The following ARFGEF2 variants were observed in gnomAD, a reference collection of about 807,000 sequenced individuals.
ARFGEF2 encodes ARF guanine nucleotide exchange factor 2.
In ARFGEF2, 74 loss-of-function variants were observed where a neutral mutation model predicts 219.9. The ratio of observed to expected loss-of-function variants is 0.34; its 90% CI spans 0.28 to 0.41. The LOEUF is 0.41. Among genes scored for constraint, ARFGEF2 ranks in the 10% least tolerant of loss-of-function variants. ARFGEF2 has a pLI of 1.00. For missense variants in ARFGEF2, 1,743 were observed against 2,218.3 expected, an observed-to-expected ratio of 0.79 and a Z score of 4.30; for synonymous variants, 733 against 799.2, an observed-to-expected ratio of 0.92 and a Z score of 1.40.
chr20:49,019,489 AACAG>A (rs2091551831), intron 34 of ARFGEF2, among the ~76,000 whole-genome samples: 1 of 152,220 alleles, frequency 6.6e-6, no homozygotes, highest in Admixed American at 6.5e-5. Flanking sequence ...AGTTGCTCTT[AACAG>A]ACATTTATAT....
At chr20:49,014,795 A>G (rs2091520530) in intron 30 of ARFGEF2, among the ~76,000 whole-genome samples, 1 of 152,224 alleles carries the variant, frequency 6.6e-6, no homozygotes, top group Non-Finnish European at 1.5e-5. Context: ...AGGTCATAGT[A>G]TAGATAGAGT....
chr20:48,985,517 G>A lies in ARFGEF2; in HGVS notation c.2180G>A (p.Arg727Gln), dbSNP rs1191428579. 5 of 1,614,032 alleles carry A rather than the reference G, an allele frequency of 3.1e-6. No homozygotes were observed. Among genetic ancestry groups the A allele is most frequent in the African/African-American group, 1.3e-5 (1 of 74,906 alleles). ...GAAAAAGAATTTGTCTCAGCCCTGC[G>A]GACATTCCTAGAAGGTTTCCGCCTA... Reference protein sequence around the residue: ...FCEKEFVSALRTFLEGFRLPG... With the variant: ...FCEKEFVSALQTFLEGFRLPG... The change falls in exon 16 of 39, where the codon CGG becomes CAG. Residue 727 changes from arginine to glutamine, a missense_variant. By Grantham distance (43) the Arg-to-Gln change is conservative. Coordinates refer to ENST00000371917, the MANE Select transcript of ARFGEF2 (RefSeq NM_006420.3).
intron 25 of ARFGEF2, chr20:48,999,199 C>G (rs1289192067): frequency 2.3e-6 from 1 of 435,564 alleles, no homozygotes; most frequent in South Asian, 1.7e-5. Flanking sequence ...GATCGCACCA[C>G]TGCACCCCAG....
At chr20:49,032,736 C>G (rs114964040) in intron 38 of ARFGEF2, among the ~76,000 whole-genome samples, 68 of 151,998 alleles carry the variant, frequency 4.5e-4, no homozygotes, top group African/African-American at 1.4e-3. Context: ...GGACCACAGA[C>G]ACGCGCCACT....
intron 1 of ARFGEF2, among the ~76,000 whole-genome samples, chr20:48,926,343 C>T (rs973993009): frequency 1.1e-4 from 16 of 152,098 alleles, no homozygotes; most frequent in African/African-American, 3.9e-4. Context: ...CAGCTCTTTT[C>T]TTCAGGTTTT....
chr20:48,950,811 A>AATATATATATATAT (rs71184245), intron 3 of ARFGEF2, among the ~76,000 whole-genome samples: 14 of 64,506 alleles, frequency 2.2e-4, no homozygotes, highest in East Asian at 4.9e-4. Context: ...AAAAAAAAAA[A>AATATATATATATAT]ATATATATAT....
chr20:48,952,624 C>G (rs1455826920), intron 4 of ARFGEF2, 81 bp from the exon 5 acceptor site: 3 of 1,378,374 alleles, frequency 2.2e-6, no homozygotes, highest in Non-Finnish European at 2.1e-6. Flanking sequence ...CAAAACCAGA[C>G]CCTCTAGAAA....
intron 25 of ARFGEF2, among the ~76,000 whole-genome samples, chr20:49,000,225 C>T (rs2091417394): frequency 6.6e-6 from 1 of 152,186 alleles, no homozygotes; most frequent in Non-Finnish European, 1.5e-5. Context: ...AATGAAAGTT[C>T]CTTGTTTTTC....
rs767312168 is a variant in ARFGEF2 at position 48,965,943 on chromosome 20, A to G, written c.979A>G (p.Ile327Val). The G allele has an allele frequency of 4.9e-5, 79 of 1,614,108 alleles. No individual in the cohort carries two copies. In the South Asian group the frequency reaches 6.1e-4, roughly 13 times the overall value. Residue 327 changes from isoleucine to valine, a missense_variant, in exon 8 of 39, where the codon ATT becomes GTT. This residue lies in a region of ARFGEF2 where 394 missense variants were observed against 426.6 expected (regional missense o/e 0.92). Transcript: ENST00000371917. ...TGAACTGGAGTGCCAGGAATGTGCT[A>G]TTCCCCCAGGAGTTGATGAAAACTC... is the stretch of plus-strand genomic sequence containing the variant. Reference protein sequence around the residue: ...LGELECQECAIPPGVDENSQT... With the variant: ...LGELECQECAVPPGVDENSQT...
At chr20:48,987,275 A>G (rs183938569) in intron 16 of ARFGEF2, among the ~76,000 whole-genome samples, 19 of 152,330 alleles carry the variant, frequency 1.2e-4, no homozygotes, top group Non-Finnish European at 2.2e-4. Context: ...TCTCATATTA[A>G]AAGACCTTTG....
chr20:48,961,819 G>A (rs891734307), intron 6 of ARFGEF2, among the ~76,000 whole-genome samples: 76 of 150,146 alleles, frequency 5.1e-4, no homozygotes, highest in African/African-American at 1.7e-3. Context: ...AGCCAAGATC[G>A]TGTCACTGCA....
Position 49,028,773 on chromosome 20 carries a change from C to A in ARFGEF2, c.5063+105C>A. On this transcript the variant is annotated intron_variant, in intron 37 of 38. Transcript: ENST00000371917. ...TAAGAGAAAAATACATGCTGACACT[C>A]TGACAAATTTTTTTTTCTTTCTATT... The A allele has an allele frequency of 2.3e-6, 3 of 1,322,066 alleles. 1 individual carries two copies. The Admixed American group carries it at 6.2e-5, about 28-fold the overall frequency. The allele number at this position is 1,322,066 out of a possible 1,614,324, so 81.9% of individuals were successfully genotyped here. A position where few individuals can be genotyped will look rare whatever the true frequency, so the allele number is the denominator to read the frequency against.
rs1568725094 is a variant in ARFGEF2 at position 48,991,020 on chromosome 20, CTCTT to C, written c.2815-19_2815-16del. The C allele has an allele frequency of 1.9e-6, 3 of 1,612,020 alleles. No homozygotes were observed. Among genetic ancestry groups the C allele is most frequent in the Non-Finnish European group, 2.5e-6 (3 of 1,178,944 alleles). On this transcript the variant is annotated splice_polypyrimidine_tract_variant and intron_variant, in intron 20 of 38. Coordinates refer to ENST00000371917, the MANE Select transcript of ARFGEF2 (RefSeq NM_006420.3). Reference sequence around the variant, plus strand: ...ACTAAGGTTGGAGTCACAGTGTTCTCTCTTGGGTTTCTGTTACAGCTGGAACGAG... The same window carrying C: ...ACTAAGGTTGGAGTCACAGTGTTCTCGGGTTTCTGTTACAGCTGGAACGAG...
In ARFGEF2 at chr20:49,012,053, T is replaced by C. The variant is rs1291874161; in HGVS notation, c.3887T>C (p.Phe1296Ser). The C allele has an allele frequency of 6.2e-7, 1 of 1,614,180 alleles. No homozygotes were observed. The change falls in exon 28 of 39, where the codon TTC (phenylalanine) becomes TCC (serine). Residue 1296 changes from phenylalanine to serine, a missense_variant. Around this residue, in one of 5 missense-constraint regions of ARFGEF2, gnomAD observed 578 missense variants for 664.0 expected, o/e 0.87. Coordinates refer to ENST00000371917, the MANE Select transcript of ARFGEF2 (RefSeq NM_006420.3). ...TSMEAIRLIR[F>S]CGKYVSERPR... ...ATGGAAGCGATTCGGCTCATCCGCT[T>C]CTGTGGCAAATACGTCTCTGAGAGG...
rs58722268 is a variant in ARFGEF2, at chr20:48,947,298, G to T, written c.277-4025G>T. On this transcript the variant is annotated intron_variant, in intron 3 of 38. Transcript: ENST00000371917. ...GCCTATAATCCCAGCTACTTGGGAG[G>T]CTGAGGCAGGAGAATCACTTGAACC... is the stretch of plus-strand genomic sequence containing the variant. 3.3e-5 allele frequency among the ~76,000 whole-genome samples: 5 copies of T among 152,240 alleles called. No individual in the cohort carries two copies. The East Asian group carries it at 9.7e-4, about 30-fold the overall frequency.
chr20:48,955,726 A>C (rs992547867), intron 6 of ARFGEF2, among the ~76,000 whole-genome samples: 1 of 152,196 alleles, frequency 6.6e-6, no homozygotes, highest in African/African-American at 2.4e-5. Flanking sequence ...GGGAGAAGCA[A>C]ACCCCAGACC....
intron 16 of ARFGEF2, among the ~76,000 whole-genome samples, chr20:48,987,592 A>G (rs1163538821): frequency 6.6e-6 from 1 of 152,202 alleles, no homozygotes; most frequent in Admixed American, 6.5e-5. Context: ...TCTCAGGAAC[A>G]GGACAAGGTG....
intron 6 of ARFGEF2, among the ~76,000 whole-genome samples, chr20:48,959,745 GACT>G (rs1234221602): frequency 6.6e-6 from 1 of 150,876 alleles, no homozygotes; most frequent in Non-Finnish European, 1.5e-5. Flanking sequence ...GAGGAGCTGG[GACT>G]ACAGGTGTGC....
At chr20:48,955,952 C>T (rs1170275226) in intron 6 of ARFGEF2, among the ~76,000 whole-genome samples, 1 of 152,104 alleles carries the variant, frequency 6.6e-6, no homozygotes, top group African/African-American at 2.4e-5. Context: ...TAAATAAACA[C>T]CCCATCTCTA....
Sources: gnomAD v4.1 joint callset for allele counts (sites outside exome capture counted in the v4.1 genomes callset) on GRCh38, gnomAD v4.1.1 for gene constraint, gnomAD v4.1.1 regional missense constraint, MANE v1.5 for transcripts, NCBI Gene and HGNC (gene_info 2026-07-23, HGNC 2026-07-21) for gene names.